PUDP: variants seen among roughly 807,000 people sequenced by gnomAD.
The protein encoded by PUDP is pseudouridine-5'-phosphatase.
Under a neutral mutation model 9.4 loss-of-function variants are expected in PUDP, and 8 were observed. That is an observed-to-expected ratio of 0.85 (90% CI 0.50 to 1.53). PUDP has a LOEUF of 1.53. Ranked by LOEUF, PUDP falls within the 40% of genes most tolerant of loss-of-function variation. The pLI is 0.00. For missense variants in PUDP, 188 were observed against 189.7 expected, an observed-to-expected ratio of 0.99 and a Z score of 0.05; for synonymous variants, 99 against 80.7, an observed-to-expected ratio of 1.23 and a Z score of -1.22.
At chrX:7,015,405 G>T (rs1304789647) in intron 1 of PUDP, among the ~76,000 whole-genome samples, 1 of 111,620 alleles carries the variant, frequency 9.0e-6, no homozygotes, top group Non-Finnish European at 1.9e-5. Context: ...TCTGAGCAGT[G>T]CTTCTTCCTT....
intron 3 of PUDP, among the ~76,000 whole-genome samples, chrX:6,930,529 G>T (rs146160493): frequency 0.031 from 3,498 of 111,316 alleles, 140 homozygotes; most frequent in African/African-American, 0.11. Context: ...AAAAGCGGGA[G>T]GAACTCTCAG....
chrX:6,850,660 G>A (rs1926813526), intron 3 of PUDP, among the ~76,000 whole-genome samples: 2 of 112,379 alleles, frequency 1.8e-5, no homozygotes, highest in African/African-American at 3.2e-5. Flanking sequence ...TAATACTTTG[G>A]AGTCTTATAA....
At chrX:6,920,425 T>C (rs193240122) in intron 3 of PUDP, among the ~76,000 whole-genome samples, 5 of 111,435 alleles carry the variant, frequency 4.5e-5, no homozygotes, top group Non-Finnish European at 9.4e-5. Context: ...TCAACTCTTC[T>C]GTGCATTCTG....
chrX:6,807,888 A>G (rs1322035655), intron 3 of PUDP, among the ~76,000 whole-genome samples: 1 of 112,477 alleles, frequency 8.9e-6, no homozygotes, highest in Non-Finnish European at 1.9e-5. Flanking sequence ...TATAGATACC[A>G]GGAAGCATTT....
intron 3 of PUDP, among the ~76,000 whole-genome samples, chrX:6,946,257 T>C (rs1928463208): frequency 8.9e-6 from 1 of 111,841 alleles, no homozygotes; most frequent in Non-Finnish European, 1.9e-5. Context: ...ATGGGACACA[T>C]GAAGGGGCAT....
chrX:6,772,810 A>G (rs1049915730), intron 3 of PUDP, among the ~76,000 whole-genome samples: 3 of 109,447 alleles, frequency 2.7e-5, no homozygotes, highest in African/African-American at 1.0e-4. Context: ...ACAACAAAAA[A>G]CCCAGGACAT....
intron 1 of PUDP, among the ~76,000 whole-genome samples, chrX:6,981,933 A>G (rs1450128631): frequency 9.2e-6 from 1 of 108,944 alleles, no homozygotes; most frequent in South Asian, 4.1e-4. Context: ...GTGACTGGCA[A>G]TTCTGTTCCT....
intron 3 of PUDP, among the ~76,000 whole-genome samples, chrX:6,867,856 T>C (rs1009319844): frequency 9.0e-6 from 1 of 111,485 alleles, no homozygotes; most frequent in African/African-American, 3.3e-5. Flanking sequence ...CACCAGTATC[T>C]GGTGAGGAAC....
intron 3 of PUDP, among the ~76,000 whole-genome samples, chrX:7,053,275 G>C (rs780394361): frequency 1.8e-5 from 2 of 111,274 alleles, no homozygotes; most frequent in Non-Finnish European, 3.8e-5. Context: ...AGGTGTGTGG[G>C]ACGGGAAATC....
At chrX:6,718,303 T>C (rs868311970) in intron 1 of PUDP, among the ~76,000 whole-genome samples, 1 of 112,065 alleles carries the variant, frequency 8.9e-6, no homozygotes, top group African/African-American at 3.2e-5. Context: ...CGTATGTTCA[T>C]TGCGCACTAT....
chrX:6,941,665 A>C (rs1318098780), intron 3 of PUDP, among the ~76,000 whole-genome samples: 1 of 98,023 alleles, frequency 1.0e-5, no homozygotes, highest in African/African-American at 3.4e-5. Flanking sequence ...ATCTTGTGGA[A>C]AATAAGAACA....
chrX:6,779,371 G>A (rs1429194839), intron 3 of PUDP, among the ~76,000 whole-genome samples: 1 of 111,967 alleles, frequency 8.9e-6, no homozygotes, highest in African/African-American at 3.3e-5. Context: ...GCCCCAGAGA[G>A]AAACAGAACA....
At chrX:7,107,869 T>C (rs1206390436) in intron 1 of PUDP, among the ~76,000 whole-genome samples, 3 of 112,152 alleles carry the variant, frequency 2.7e-5, no homozygotes, top group Non-Finnish European at 5.6e-5. Context: ...CTCCAAAATA[T>C]CTGCTCCTCC....
chrX:7,132,051 T>C (rs1932634645), intron 1 of PUDP, among the ~76,000 whole-genome samples: 1 of 110,464 alleles, frequency 9.1e-6, no homozygotes, highest in East Asian at 2.8e-4. Context: ...GATGATAATA[T>C]AGAAGAACAG....
chrX:6,989,732 G>T (rs993892439), intron 1 of PUDP: 10 of 113,483 alleles, frequency 8.8e-5, no homozygotes, highest in Non-Finnish European at 1.3e-4. Context: ...CACTTTGACA[G>T]GCATTATTGT....
intron 3 of PUDP, among the ~76,000 whole-genome samples, chrX:6,896,506 T>C (rs1927594671): frequency 8.9e-6 from 1 of 111,929 alleles, no homozygotes; most frequent in African/African-American, 3.2e-5. Context: ...TACATTGCAC[T>C]TGAATGCTGG....
In PUDP at chrX:6,883,543, A is replaced by T. The variant is rs1253547993; in HGVS notation, c.*247+93590T>A. On this transcript the variant is annotated intron_variant and NMD_transcript_variant, in intron 3 of 3. Transcript: ENST00000655425. ...TCTCAAAAAAAAAAAAAAAAAAAAA[A>T]TTTTAAACAATCTGCATAAATGCCA... 3.7e-5 allele frequency among the ~76,000 whole-genome samples: 4 copies of T among 108,632 alleles called. No homozygotes were observed. In the East Asian group the frequency reaches 8.7e-4, roughly 24 times the overall value. 94.3% of individuals were successfully genotyped at this position (108,632 alleles called of 115,157 possible).
chrX:6,741,200 G>T (rs900157632), intron 3 of PUDP, among the ~76,000 whole-genome samples: 5 of 108,446 alleles, frequency 4.6e-5, no homozygotes, highest in Non-Finnish European at 9.5e-5. Flanking sequence ...GAAATTGTTT[G>T]TACCTCCAAG....
chrX:7,107,180 G>A (rs1178315409), intron 1 of PUDP, among the ~76,000 whole-genome samples: 18 of 112,413 alleles, frequency 1.6e-4, no homozygotes, highest in Non-Finnish European at 3.2e-4. Context: ...ACAGGGTGTG[G>A]AGCAGCATTA....
Sources: allele counts gnomAD v4.1 joint callset (sites outside exome capture counted in the v4.1 genomes callset), GRCh38; gene constraint gnomAD v4.1.1; transcripts MANE v1.5; gene names NCBI Gene and HGNC (gene_info 2026-07-23, HGNC 2026-07-21).